MEI4: variants seen among roughly 807,000 people sequenced by gnomAD.
MEI4 encodes the protein meiotic double-stranded break formation protein 4.
Under a neutral mutation model 31.4 loss-of-function variants are expected in MEI4, and 27 were observed. That is an observed-to-expected ratio of 0.86 (90% CI 0.63 to 1.19). MEI4 has a LOEUF of 1.19. Ranked by LOEUF, MEI4 falls within the 50% of genes most tolerant of loss-of-function variation. MEI4 has a pLI of 0.00. For synonymous variants in MEI4, 122 were observed against 145.4 expected, an observed-to-expected ratio of 0.84 and a Z score of 1.16; for missense variants, 329 against 398.9, an observed-to-expected ratio of 0.82 and a Z score of 1.49.
upstream of MEI4, among the ~76,000 whole-genome samples, chr6:77,652,019 C>A (rs2127639694): frequency 6.6e-6 from 1 of 152,244 alleles, no homozygotes; most frequent in South Asian, 2.1e-4. Context: ...TATTTTAATT[C>A]TTTCATAAGG....
At chr6:77,795,357 C>T (rs1769046855) in intron 3 of MEI4, among the ~76,000 whole-genome samples, 1 of 152,084 alleles carries the variant, frequency 6.6e-6, no homozygotes, top group African/African-American at 2.4e-5. Context: ...CATGCTTTCC[C>T]TCTGTTAGAG....
chr6:77,662,182 G>A (rs1325124320), intron 1 of MEI4, among the ~76,000 whole-genome samples: 3 of 152,140 alleles, frequency 2.0e-5, no homozygotes, highest in East Asian at 1.9e-4. Context: ...CAACTAGTTC[G>A]GCTTGCTGAG....
At chr6:77,919,279 A>G (rs1485143770) in intron 4 of MEI4, among the ~76,000 whole-genome samples, 2 of 151,970 alleles carry the variant, frequency 1.3e-5, no homozygotes, top group African/African-American at 4.8e-5. Flanking sequence ...GTAAAAGAAC[A>G]GAGATTATAA....
intron 3 of MEI4, among the ~76,000 whole-genome samples, chr6:77,821,569 G>T (rs1054984282): frequency 6.6e-6 from 1 of 152,058 alleles, no homozygotes; most frequent in Admixed American, 6.6e-5. Context: ...GCCGAGACAG[G>T]TGGATCACCT....
chr6:77,886,244 C>T (rs1771614977), intron 4 of MEI4, among the ~76,000 whole-genome samples: 1 of 152,030 alleles, frequency 6.6e-6, no homozygotes, highest in African/African-American at 2.4e-5. Flanking sequence ...CATGTTAGTT[C>T]TTCTTAATAA....
At chr6:77,735,577 G>T (rs1767169927) in intron 2 of MEI4, among the ~76,000 whole-genome samples, 1 of 151,978 alleles carries the variant, frequency 6.6e-6, no homozygotes, top group Non-Finnish European at 1.5e-5. Flanking sequence ...CCTTCGGTTT[G>T]AATGTCCTCC....
At chr6:77,730,748 G>C (rs1310629600) in intron 2 of MEI4, among the ~76,000 whole-genome samples, 2 of 151,694 alleles carry the variant, frequency 1.3e-5, no homozygotes, top group East Asian at 3.9e-4. Flanking sequence ...TCTAGCATTA[G>C]GTGTATCTCC....
intron 2 of MEI4, among the ~76,000 whole-genome samples, chr6:77,693,200 T>C (rs1030462715): frequency 6.6e-6 from 1 of 152,124 alleles, no homozygotes; most frequent in Non-Finnish European, 1.5e-5. Context: ...TTTTAGTTTC[T>C]CTAGAGTCCT....
chr6:77,802,691 T>C (rs1769301280), intron 3 of MEI4, among the ~76,000 whole-genome samples: 1 of 152,228 alleles, frequency 6.6e-6, no homozygotes, highest in Non-Finnish European at 1.5e-5. Context: ...TCTCAGCATT[T>C]GCTTATCTGT....
intron 3 of MEI4, among the ~76,000 whole-genome samples, chr6:77,778,788 G>C (rs1459748057): frequency 6.6e-6 from 1 of 151,976 alleles, no homozygotes; most frequent in Non-Finnish European, 1.5e-5. Context: ...GTAAGGATTT[G>C]ACATGGAGAA....
Position 77,854,430 on chromosome 6 carries a change from CTT to C in MEI4, c.900+25380_900+25381del, listed in dbSNP as rs35183582. On this transcript the variant is annotated intron_variant, in intron 4 of 4. Transcript: ENST00000684080. ...TTATAGAGTGGTGGATTATAGATGC[CTT>C]TTTTTTTTTTTGCTAATCCAGATTA... 7.1e-3 allele frequency among the ~76,000 whole-genome samples: 1,005 copies of C among 142,332 alleles called. 3 individuals are homozygous for C. The highest frequency in any genetic ancestry group is 0.022 in the African/African-American group (875 of 39,282). The allele number at this position is 142,332 out of a possible 152,430, so 93.4% of individuals were successfully genotyped here. A position where few individuals can be genotyped will look rare whatever the true frequency, so the allele number is the denominator to read the frequency against.
At chr6:77,802,298 C>T (rs960366930) in intron 3 of MEI4, among the ~76,000 whole-genome samples, 13 of 152,022 alleles carry the variant, frequency 8.6e-5, no homozygotes, top group Non-Finnish European at 1.5e-4. Flanking sequence ...GCAACCCCTG[C>T]CTTTGTTTGT....
intron 4 of MEI4, among the ~76,000 whole-genome samples, chr6:77,917,822 T>G (rs1766598970): frequency 6.6e-6 from 1 of 150,572 alleles, no homozygotes; most frequent in South Asian, 2.1e-4. Flanking sequence ...TTTTGGTGTT[T>G]TGGACATGAA....
intron 4 of MEI4, among the ~76,000 whole-genome samples, chr6:77,892,845 A>G (rs889630606): frequency 1.3e-5 from 2 of 151,900 alleles, no homozygotes; most frequent in African/African-American, 4.8e-5. Context: ...GGACTCTCCA[A>G]ATGGCTCCAT....
intron 1 of MEI4, among the ~76,000 whole-genome samples, chr6:77,680,422 A>T (rs1052144451): frequency 6.6e-6 from 1 of 152,108 alleles, no homozygotes; most frequent in Non-Finnish European, 1.5e-5. Flanking sequence ...CTTCTGTGGT[A>T]TGAAAGTAGA....
intron 4 of MEI4, among the ~76,000 whole-genome samples, chr6:77,899,179 C>T (rs1247289231): frequency 6.6e-6 from 1 of 152,028 alleles, no homozygotes; most frequent in Non-Finnish European, 1.5e-5. Flanking sequence ...CATTAATGAG[C>T]TCTCCCAAAT....
chr6:77,799,408 A>G (rs1156873364), intron 3 of MEI4, among the ~76,000 whole-genome samples: 2 of 151,980 alleles, frequency 1.3e-5, no homozygotes, highest in Non-Finnish European at 2.9e-5. Context: ...TTGTCAGATG[A>G]GTAGGTTGTG....
At position 77,663,470 on chromosome 6, in the gene MEI4, T is replaced by C. The variant is rs1331798419; in HGVS notation, c.-15+10378T>C. The stretch of plus-strand genomic sequence containing the variant: ...TGGGAAGAAGGGCGGCAATGAGATA[T>C]AGCTGTAGTCCAGGAATAGTCAGGG... On this transcript the variant is annotated intron_variant, in intron 1 of 4. Coordinates refer to ENST00000684080, the MANE Select transcript of MEI4 (RefSeq NM_001322247.2). Among the ~76,000 whole-genome samples, 3 of 152,040 alleles carry C rather than the reference T, an allele frequency of 2.0e-5. No homozygotes were observed. The East Asian group carries it at 5.8e-4, about 29-fold the overall frequency.
intron 2 of MEI4, among the ~76,000 whole-genome samples, chr6:77,701,659 A>G (rs1766225578): frequency 2.0e-5 from 3 of 152,044 alleles, no homozygotes; most frequent in Non-Finnish European, 4.4e-5. Flanking sequence ...TATATTCATA[A>G]ATCATAGGCT....
Sources: allele counts gnomAD v4.1 joint callset (sites outside exome capture counted in the v4.1 genomes callset), GRCh38; gene constraint gnomAD v4.1.1; transcripts MANE v1.5; gene names NCBI Gene and HGNC (gene_info 2026-07-23, HGNC 2026-07-21).